Variants in MCF2L2 observed in about 807,000 individuals in gnomAD.
The protein encoded by MCF2L2 is MCF.2 cell line derived transforming sequence-like 2.
In MCF2L2, 102 loss-of-function variants were observed where a neutral mutation model predicts 150.2. That is an observed-to-expected ratio of 0.68 (90% CI 0.58 to 0.80). The LOEUF is 0.80. Among genes scored for constraint, MCF2L2 ranks in the 30% least tolerant of loss-of-function variants. The pLI is 0.00. For synonymous variants in MCF2L2, 465 were observed against 491.3 expected, an observed-to-expected ratio of 0.95 and a Z score of 0.71; for missense variants, 1,256 against 1,372.8, an observed-to-expected ratio of 0.91 and a Z score of 1.34.
intron 25 of MCF2L2, 131 bp from the exon 26 acceptor site, chr3:183,195,386 CT>C (rs959564842): frequency 4.9e-6 from 3 of 608,604 alleles, no homozygotes; most frequent in Non-Finnish European, 8.5e-6. Flanking sequence ...GTGTGTAGGT[CT>C]TGATCATATT....
chr3:183,405,311 CTG>C (rs1714987952), intron 1 of MCF2L2, among the ~76,000 whole-genome samples: 1 of 152,036 alleles, frequency 6.6e-6, no homozygotes, highest in South Asian at 2.1e-4. Flanking sequence ...ATTATTTTTT[CTG>C]TATTGTTTTT....
intron 15 of MCF2L2, 127 bp from the exon 16 acceptor site, chr3:183,231,144 T>C (rs770436785): frequency 8.1e-6 from 6 of 740,720 alleles, no homozygotes; most frequent in Admixed American, 2.0e-5. Flanking sequence ...CTACTTAGTT[T>C]CTGGTCAGTT....
intron 10 of MCF2L2, among the ~76,000 whole-genome samples, chr3:183,303,194 C>CAAAAAAAAAAAAAAAAAAAAAA (rs56742154): frequency 8.1e-6 from 1 of 123,980 alleles, no homozygotes; most frequent in African/African-American, 3.2e-5. Context: ...ACTCTGTCTC[C>CAAAAAAAAAAAAAAAAAAAAAA]AAAAAAAAAA....
At chr3:183,304,726 G>A (rs964624272) in intron 10 of MCF2L2, among the ~76,000 whole-genome samples, 5 of 151,364 alleles carry the variant, frequency 3.3e-5, no homozygotes, top group East Asian at 2.0e-4. Flanking sequence ...CACCCGCCTC[G>A]GCCTCCCAAA....
chr3:183,404,584 T>C (rs34835711), intron 1 of MCF2L2, among the ~76,000 whole-genome samples: 56,981 of 152,142 alleles, frequency 0.37, 10,955 homozygotes, highest in African/African-American at 0.44. Context: ...CAATATGGGC[T>C]GGGCGTGGTG....
At chr3:183,396,508 T>C (rs1452253195) in intron 1 of MCF2L2, among the ~76,000 whole-genome samples, 1 of 152,184 alleles carries the variant, frequency 6.6e-6, no homozygotes, top group East Asian at 1.9e-4. Context: ...CACAATTACA[T>C]TTTACTTAGA....
Position 183,295,387 on chromosome 3 carries a change from G to A in MCF2L2, c.1588C>T (p.Gln530Ter). 1 of 1,614,108 alleles carries A rather than the reference G, an allele frequency of 6.2e-7. No individual in the cohort carries two copies. Among genetic ancestry groups the A allele is most frequent in the Non-Finnish European group, 8.5e-7 (1 of 1,179,986 alleles). The change falls in exon 13 of 30, where the codon CAG (glutamine) becomes TAG (stop). Residue 530 changes from glutamine (Q) to a stop codon, truncating the protein, a stop_gained. Transcript: ENST00000328913. LOFTEE classifies it high-confidence loss of function. ...GCCACAGGTTGCACTGGACGAGTCTGTTTGGCTGCCAGTTTCATCAGACTC... is the reference window on the plus strand; with the variant it reads ...GCCACAGGTTGCACTGGACGAGTCTATTTGGCTGCCAGTTTCATCAGACTC... ...QVSLMKLAAK[Q>*]TRPVQPVAPH...
At chr3:183,375,925 A>T (rs768914709) in intron 3 of MCF2L2, 1 of 152,234 alleles carries the variant, frequency 6.6e-6, no homozygotes, top group Non-Finnish European at 1.5e-5. Context: ...GAAATTAGAC[A>T]TAGGTCCAAG....
At chr3:183,241,158 ACT>A (rs1418125540) in intron 15 of MCF2L2, among the ~76,000 whole-genome samples, 1 of 152,210 alleles carries the variant, frequency 6.6e-6, no homozygotes, top group Non-Finnish European at 1.5e-5. Flanking sequence ...GACACTGCCA[ACT>A]CTGTGTTGAG....
At chr3:183,276,625 C>T (rs1727164959) in intron 15 of MCF2L2, 1 of 418,164 alleles carries the variant, frequency 2.4e-6, no homozygotes, top group Non-Finnish European at 4.2e-6. Context: ...CTCTTGATAG[C>T]CCAATTTTTT....
chr3:183,299,773 C>T, intron 11 of MCF2L2: 2 of 482,486 alleles, frequency 4.1e-6, no homozygotes, highest in South Asian at 2.5e-5. Flanking sequence ...TAGAAATGGG[C>T]TTCAGTTAAC....
chr3:183,408,831 C>T (rs566771623), intron 1 of MCF2L2, among the ~76,000 whole-genome samples: 1 of 152,338 alleles, frequency 6.6e-6, no homozygotes, highest in South Asian at 2.1e-4. Context: ...TTTTGAACAC[C>T]TGTAGTTTGT....
rs1376476602 is a variant in MCF2L2, at chr3:183,289,180, A to G, written c.1716T>C (p.Tyr572=). 1.2e-6 allele frequency: 2 copies of G among 1,614,068 alleles called. No homozygotes were observed. The highest frequency in any genetic ancestry group is 1.7e-5 in the Admixed American group (1 of 60,024). ...CCCGGGAGTTCAACTCTGTCTCCGT[A>G]TAAGGTTCCTCAGACGTTCTCAGAG... is the stretch of plus-strand genomic sequence containing the variant. The part of the protein sequence containing the change: ...ARPLRTSEEP[Y]TETELNSRGK... The change falls in exon 14 of 30, where the codon TAT becomes TAC. Residue 572 remains tyrosine (Y), a synonymous_variant. Coordinates refer to ENST00000328913, the MANE Select transcript of MCF2L2 (RefSeq NM_015078.4).
chr3:183,257,817 T>C (rs906597149), intron 15 of MCF2L2, among the ~76,000 whole-genome samples: 5 of 152,138 alleles, frequency 3.3e-5, no homozygotes, highest in Admixed American at 6.5e-5. Context: ...TTCCGTTTTT[T>C]CCCTTTACCC....
chr3:183,262,245 G>A (rs766282480), intron 15 of MCF2L2, among the ~76,000 whole-genome samples: 3 of 150,998 alleles, frequency 2.0e-5, no homozygotes, highest in Non-Finnish European at 4.4e-5. Context: ...GGTTAGTCTT[G>A]TTTTATGATA....
At position 183,181,993 on chromosome 3, in the gene MCF2L2, G is replaced by T. The variant is rs1444641876; in HGVS notation, c.3017-1834C>A. Among the ~76,000 whole-genome samples the T allele has an allele frequency of 6.6e-6, 1 of 152,192 alleles. No individual in the cohort carries two copies. The highest frequency in any genetic ancestry group is 6.5e-5 in the Admixed American group (1 of 15,294). The stretch of plus-strand genomic sequence containing the variant: ...GGGTAAGTGGCACCTGGGGTAAAAT[G>T]ACTGCCTGGAGCTGGCAGCTGCTTT... On this transcript the variant is annotated intron_variant, in intron 27 of 29. Transcript: ENST00000328913. The surrounding 1 kb of genome is among the most constrained non-coding windows in gnomAD (Gnocchi z 4.3).
chr3:183,204,045 T>C (rs1227884725), intron 25 of MCF2L2, among the ~76,000 whole-genome samples: 3 of 152,160 alleles, frequency 2.0e-5, no homozygotes, highest in Non-Finnish European at 2.9e-5. Flanking sequence ...CAATCAATGG[T>C]TCTAGGACAA....
At chr3:183,361,007 A>AG (rs1712129787) in intron 3 of MCF2L2, among the ~76,000 whole-genome samples, 11 of 132,972 alleles carry the variant, frequency 8.3e-5, no homozygotes, top group African/African-American at 3.1e-4. Context: ...AGAAAAGAAA[A>AG]GAAAAGAAAA....
intron 5 of MCF2L2, among the ~76,000 whole-genome samples, chr3:183,333,992 A>G (rs1222599197): frequency 6.6e-6 from 1 of 151,418 alleles, no homozygotes; most frequent in Non-Finnish European, 1.5e-5. Context: ...TGATAGGGAC[A>G]TGTCACAAGG....
Sources: gnomAD v4.1 joint callset for allele counts (sites outside exome capture counted in the v4.1 genomes callset) on GRCh38, gnomAD v4.1.1 for gene constraint, Gnocchi (gnomAD v3.1) non-coding constraint, MANE v1.5 for transcripts, NCBI Gene and HGNC (gene_info 2026-07-23, HGNC 2026-07-21) for gene names.